MIGA1: variants seen among roughly 807,000 people sequenced by gnomAD.
The protein encoded by MIGA1 is family with sequence similarity 73, member A.
A neutral mutation model predicts 82.0 loss-of-function variants in MIGA1; 58 were observed. The observed-to-expected ratio is 0.71, with a 90% CI of 0.57 to 0.88. The LOEUF (loss-of-function observed/expected upper bound fraction) is 0.88, where lower values mean the gene tolerates loss of function less well. MIGA1 is among the 40% of genes least tolerant of loss of function. The probability of loss-of-function intolerance (pLI) is 0.00; values close to 1 mark genes in which losing one functional copy is unlikely to be tolerated. For missense variants in MIGA1, 751 were observed against 749.1 expected, an observed-to-expected ratio of 1.00 and a Z score of -0.03; for synonymous variants, 249 against 253.6, an observed-to-expected ratio of 0.98 and a Z score of 0.17.
At chr1:77,780,039 G>T in intron 1 of MIGA1, 1 of 1,156,586 alleles carries the variant, frequency 8.6e-7, no homozygotes, top group Non-Finnish European at 1.1e-6. Context: ...CGCGGAATTG[G>T]GATGGGCTCG....
At chr1:77,847,718 G>A in intron 8 of MIGA1, 1 of 1,582,384 alleles carries the variant, frequency 6.3e-7, no homozygotes, top group Non-Finnish European at 8.7e-7. Flanking sequence ...TTGGTGAAGA[G>A]GAAGTACCTA....
Position 77,876,457 on chromosome 1 carries a change from A to G in MIGA1, c.*1393A>G, listed in dbSNP as rs1646894626. On this transcript the variant is annotated 3_prime_UTR_variant, in exon 16 of 16. Transcript: ENST00000370791. ...AGACTGAAGAACTTTCTTTTTATAC[A>G]TTAGAGCATTTTCCCCTGGAATGAG... The G allele has an allele frequency of 6.6e-6, 1 of 152,354 alleles. No individual in the cohort carries two copies. Among genetic ancestry groups the G allele is most frequent in the African/African-American group, 2.4e-5 (1 of 41,592 alleles). The allele number at this position is 152,354 out of a possible 1,614,324, so 9.4% of individuals were successfully genotyped here. A position where few individuals can be genotyped will look rare whatever the true frequency, so the allele number is the denominator to read the frequency against.
intron 13 of MIGA1, among the ~76,000 whole-genome samples, chr1:77,864,313 A>T (rs1685581284): frequency 6.7e-6 from 1 of 149,224 alleles, no homozygotes; most frequent in African/African-American, 2.5e-5. Context: ...CAGTGAGCTG[A>T]GATTGAGCCA....
chr1:77,808,655 T>C (rs2101779021), intron 5 of MIGA1, among the ~76,000 whole-genome samples: 1 of 152,314 alleles, frequency 6.6e-6, no homozygotes, highest in African/African-American at 2.4e-5. Context: ...TTTTCCCTGT[T>C]CTCTGTTCTG....
intron 5 of MIGA1, among the ~76,000 whole-genome samples, chr1:77,812,812 A>G (rs527861799): frequency 7.4e-4 from 112 of 152,260 alleles, no homozygotes; most frequent in Non-Finnish European, 1.2e-3. Context: ...TACTTGGACT[A>G]TAACTAACTT....
At chr1:77,798,633 A>G (rs2101739562) in intron 2 of MIGA1, among the ~76,000 whole-genome samples, 1 of 152,226 alleles carries the variant, frequency 6.6e-6, no homozygotes, top group African/African-American at 2.4e-5. Context: ...ATTCAAGATG[A>G]GATTTGGGTG....
At chr1:77,786,259 C>A (rs1175623716) in intron 2 of MIGA1, among the ~76,000 whole-genome samples, 1 of 152,192 alleles carries the variant, frequency 6.6e-6, no homozygotes, top group Non-Finnish European at 1.5e-5. Context: ...GGGCCTGGCC[C>A]CTGAAACCAC....
chr1:77,852,471 A>G (rs779850845), intron 8 of MIGA1, among the ~76,000 whole-genome samples: 4 of 151,280 alleles, frequency 2.6e-5, no homozygotes, highest in Non-Finnish European at 5.9e-5. Context: ...TTTTTTTTGC[A>G]TCTGGCCTAA....
chr1:77,854,223 C>T (rs1189953097), intron 8 of MIGA1, among the ~76,000 whole-genome samples: 1 of 152,188 alleles, frequency 6.6e-6, no homozygotes, highest in Non-Finnish European at 1.5e-5. Flanking sequence ...GTTAATTCAT[C>T]CTTTTTATGG....
At chr1:77,853,739 C>G in intron 8 of MIGA1, 1 of 322,022 alleles carries the variant, frequency 3.1e-6, no homozygotes, top group South Asian at 3.4e-5. Context: ...CATCATGCTT[C>G]CAGAAAAATC....
At chr1:77,808,012 G>A (rs538389810) in intron 5 of MIGA1, among the ~76,000 whole-genome samples, 1 of 151,958 alleles carries the variant, frequency 6.6e-6, no homozygotes, top group Admixed American at 6.5e-5. Context: ...TAGAGATGGG[G>A]TTTCACCATG....
intron 7 of MIGA1, among the ~76,000 whole-genome samples, chr1:77,835,581 G>A (rs1438950776): frequency 6.6e-6 from 1 of 152,120 alleles, no homozygotes; most frequent in African/African-American, 2.4e-5. Flanking sequence ...ATTCATTAAG[G>A]AGTGTAAGCT....
intron 8 of MIGA1, among the ~76,000 whole-genome samples, chr1:77,857,116 G>A (rs1384563989): frequency 6.6e-6 from 1 of 152,014 alleles, no homozygotes; most frequent in Non-Finnish European, 1.5e-5. Flanking sequence ...AATTTCCATC[G>A]TGCTTTTGTT....
At chr1:77,855,237 T>C (rs1685204853) in intron 8 of MIGA1, among the ~76,000 whole-genome samples, 1 of 152,250 alleles carries the variant, frequency 6.6e-6, no homozygotes, top group Non-Finnish European at 1.5e-5. Flanking sequence ...TTCTCTCTTC[T>C]GTTCCATTGG....
chr1:77,785,576 C>T (rs1215726353), intron 2 of MIGA1, among the ~76,000 whole-genome samples: 5 of 152,158 alleles, frequency 3.3e-5, no homozygotes, highest in Admixed American at 3.3e-4. Context: ...CTGCTGACCT[C>T]AGGTGATCTG....
At chr1:77,815,631 T>A (rs956790139) in intron 7 of MIGA1, among the ~76,000 whole-genome samples, 9 of 152,244 alleles carry the variant, frequency 5.9e-5, no homozygotes, top group Non-Finnish European at 1.3e-4. Flanking sequence ...AATCGCAGGA[T>A]AGCTGTTGAT....
chr1:77,827,379 G>C (rs889627242), intron 7 of MIGA1, among the ~76,000 whole-genome samples: 16 of 151,978 alleles, frequency 1.1e-4, no homozygotes, highest in African/African-American at 3.9e-4. Context: ...GAGGCTGAGT[G>C]GGGAGGGTTG....
At chr1:77,788,336 A>G (rs1486830865) in intron 2 of MIGA1, among the ~76,000 whole-genome samples, 1 of 152,010 alleles carries the variant, frequency 6.6e-6, no homozygotes, top group Non-Finnish European at 1.5e-5. Flanking sequence ...ACGGGGTTTC[A>G]CTATGTTGGC....
chr1:77,864,602 G>A (rs1685593198), intron 13 of MIGA1, among the ~76,000 whole-genome samples: 1 of 152,164 alleles, frequency 6.6e-6, no homozygotes, highest in Non-Finnish European at 1.5e-5. Context: ...CTTGAACCCA[G>A]GAGGCAGAGG....
Sources: allele counts gnomAD v4.1 joint callset (sites outside exome capture counted in the v4.1 genomes callset), GRCh38; gene constraint gnomAD v4.1.1; transcripts MANE v1.5; gene names NCBI Gene and HGNC (gene_info 2026-07-23, HGNC 2026-07-21).